Variants in ARHGEF3 observed in about 807,000 individuals in gnomAD.
The protein encoded by ARHGEF3 is Rho guanine nucleotide exchange factor 3.
A neutral mutation model predicts 63.2 loss-of-function variants in ARHGEF3; 28 were observed. The ratio of observed to expected loss-of-function variants is 0.44; its 90% confidence interval spans 0.33 to 0.61. The LOEUF is 0.61. Among genes scored for constraint, ARHGEF3 ranks in the 20% least tolerant of loss-of-function variants. ARHGEF3 has a pLI of 0.03. For missense variants in ARHGEF3, 533 were observed against 659.3 expected (o/e 0.81, Z 2.10); for synonymous variants, 266 against 254.2 (o/e 1.05, Z -0.44).
At chr3:56,996,067 C>A (rs1241028948) in intron 2 of ARHGEF3, among the ~76,000 whole-genome samples, 1 of 152,124 alleles carries the variant, frequency 6.6e-6, no homozygotes, top group Non-Finnish European at 1.5e-5. Context: ...CCAAGCACAG[C>A]CCCCATGAGA....
At chr3:57,077,422 CTG>C (rs1256974980) in intron 1 of ARHGEF3, among the ~76,000 whole-genome samples, 1 of 152,106 alleles carries the variant, frequency 6.6e-6, no homozygotes, top group Non-Finnish European at 1.5e-5. Flanking sequence ...GGAAAAATAA[CTG>C]TGCTTCAAGT....
At chr3:57,009,571 G>C (rs1376223897) in intron 2 of ARHGEF3, among the ~76,000 whole-genome samples, 1 of 151,700 alleles carries the variant, frequency 6.6e-6, no homozygotes, top group African/African-American at 2.4e-5. Context: ...GGATGTGAAG[G>C]GTGGCTGCAG....
chr3:56,959,231 A>C (rs1436827552), intron 2 of ARHGEF3, among the ~76,000 whole-genome samples: 1 of 152,220 alleles, frequency 6.6e-6, no homozygotes, highest in Non-Finnish European at 1.5e-5. Context: ...CATGGACACT[A>C]TCAGGAGATG....
At position 56,905,120 on chromosome 3, in the gene ARHGEF3, G is replaced by C. The variant is rs574782885; in HGVS notation, c.130-22766C>G. On this transcript the variant is annotated intron_variant, in intron 3 of 12. Transcript: ENST00000338458. Reference sequence around the variant, plus strand: ...TCCAGTCCAAAGGTCATTTTCTCTAGGAAGCCTTCTCTGATTCACCTTTCC... The same window carrying C: ...TCCAGTCCAAAGGTCATTTTCTCTACGAAGCCTTCTCTGATTCACCTTTCC... 3.0e-3 allele frequency among the ~76,000 whole-genome samples: 455 copies of C among 152,100 alleles called. 4 individuals are homozygous for C. The highest frequency in any genetic ancestry group is 0.01 in the African/African-American group (424 of 41,490).
intron 3 of ARHGEF3, among the ~76,000 whole-genome samples, chr3:56,951,934 G>C (rs899543310): frequency 2.0e-5 from 3 of 151,968 alleles, no homozygotes; most frequent in Non-Finnish European, 4.4e-5. Context: ...TGTGACTCTA[G>C]GCAAGTTATT....
rs577308100 is a variant in ARHGEF3, at chr3:56,745,268, A to C, written c.807T>G (p.Leu269=). The change falls in exon 7 of 10, where the codon CTT becomes CTG. Residue 269 remains leucine, a synonymous_variant. Coordinates refer to ENST00000296315, the MANE Select transcript of ARHGEF3 (RefSeq NM_019555.3). ...GTGTGTGCCTCAAGATTTCTCGGAGAAGCAGAGGGTATTTTACCAGGCGGC... is the reference window on the plus strand; with the variant it reads ...GTGTGTGCCTCAAGATTTCTCGGAGCAGCAGAGGGTATTTTACCAGGCGGC... The part of the protein sequence containing the change: ...PRSRLVKYPL[L]LREILRHTPN... The C allele has an allele frequency of 3.1e-6, 5 of 1,613,966 alleles. No individual in the cohort carries two copies. The South Asian group carries it at 5.5e-5, about 18-fold the overall frequency.
At chr3:56,910,528 A>T (rs2041827809) in intron 3 of ARHGEF3, among the ~76,000 whole-genome samples, 1 of 152,212 alleles carries the variant, frequency 6.6e-6, no homozygotes, top group African/African-American at 2.4e-5. Context: ...GTATATATTT[A>T]TTATAATATG....
chr3:56,729,131 T>A lies in ARHGEF3; in HGVS notation c.*139A>T. Reference sequence around the variant, plus strand: ...GCAGTTACAGTACTAGGGACAAAGGTACAGATACGAGAGACTGGGCCAACA... The same window carrying A: ...GCAGTTACAGTACTAGGGACAAAGGAACAGATACGAGAGACTGGGCCAACA... On this transcript the variant is annotated 3_prime_UTR_variant, in exon 10 of 10. Coordinates refer to ENST00000296315, the MANE Select transcript of ARHGEF3 (RefSeq NM_019555.3). The A allele has an allele frequency of 1.4e-6, 1 of 712,062 alleles. No homozygotes were observed. Among genetic ancestry groups the A allele is most frequent in the Non-Finnish European group, 2.3e-6 (1 of 438,746 alleles). 44.1% of individuals were successfully genotyped at this position (712,062 alleles called of 1,614,324 possible). A position where few individuals can be genotyped will look rare whatever the true frequency, so the allele number is the denominator to read the frequency against.
chr3:56,971,648 G>A (rs191204191), intron 2 of ARHGEF3, among the ~76,000 whole-genome samples: 16 of 151,510 alleles, frequency 1.1e-4, no homozygotes, highest in East Asian at 3.9e-4. Flanking sequence ...TCAGGAGATC[G>A]AGACCATCCT....
chr3:56,861,865 GT>G (rs10707315), intron 4 of ARHGEF3, among the ~76,000 whole-genome samples: 91,567 of 141,662 alleles, frequency 0.65, 30,591 homozygotes, highest in Non-Finnish European at 0.75. Flanking sequence ...TAACCTGTTG[GT>G]TTTTTTTTTT....
intron 3 of ARHGEF3, among the ~76,000 whole-genome samples, chr3:56,899,101 AG>A (rs2041419206): frequency 6.6e-6 from 1 of 152,126 alleles, no homozygotes; most frequent in African/African-American, 2.4e-5. Context: ...TTCTCCACTG[AG>A]GGGTGAGGAG....
At chr3:56,995,620 C>CGAGAGAGAGAGAGAGAGAGAGAGAGA (rs66778716) in intron 2 of ARHGEF3, among the ~76,000 whole-genome samples, 1 of 113,232 alleles carries the variant, frequency 8.8e-6, no homozygotes. Context: ...GTAAATTTTC[C>CGAGAGAGAGAGAGAGAGAGAGAGAGA]GAGAGAGAGA....
chr3:56,825,384 T>C (rs2038675226), intron 4 of ARHGEF3, among the ~76,000 whole-genome samples: 1 of 152,192 alleles, frequency 6.6e-6, no homozygotes, highest in South Asian at 2.1e-4. Flanking sequence ...TCCAGCCCAA[T>C]TTGAGACCTC....
At chr3:57,036,518 C>A (rs1256598108) in intron 1 of ARHGEF3, among the ~76,000 whole-genome samples, 1 of 152,144 alleles carries the variant, frequency 6.6e-6, no homozygotes, top group Non-Finnish European at 1.5e-5. Flanking sequence ...AGCCATAACT[C>A]TGGGATCCTT....
intron 1 of ARHGEF3, among the ~76,000 whole-genome samples, chr3:56,794,207 G>A (rs1273950466): frequency 6.6e-6 from 1 of 152,088 alleles, no homozygotes; most frequent in Non-Finnish European, 1.5e-5. Flanking sequence ...GTATTACTGG[G>A]CCAGGCATGG....
chr3:56,884,971 G>C (rs571970727), intron 3 of ARHGEF3, among the ~76,000 whole-genome samples: 1 of 152,212 alleles, frequency 6.6e-6, no homozygotes, highest in Admixed American at 6.5e-5. Flanking sequence ...CTAATTCCTA[G>C]GGCAAAGCCT....
chr3:56,847,866 C>CCA (rs1165455764), intron 4 of ARHGEF3, among the ~76,000 whole-genome samples: 2 of 152,310 alleles, frequency 1.3e-5, no homozygotes, highest in South Asian at 4.1e-4. Context: ...GTGTGAGCCA[C>CCA]CATGCCTGGC....
At chr3:56,945,922 A>G (rs1699471268) in intron 3 of ARHGEF3, among the ~76,000 whole-genome samples, 1 of 152,172 alleles carries the variant, frequency 6.6e-6, no homozygotes, top group Non-Finnish European at 1.5e-5. Flanking sequence ...TACTCCTCTC[A>G]GACAAAACTT....
At chr3:56,930,048 C>A (rs935410669) in intron 3 of ARHGEF3, among the ~76,000 whole-genome samples, 2 of 152,178 alleles carry the variant, frequency 1.3e-5, no homozygotes, top group Admixed American at 1.3e-4. Context: ...ACTACCAGCC[C>A]CCCCCTCCCA....
Sources: gnomAD v4.1 joint callset for allele counts (sites outside exome capture counted in the v4.1 genomes callset) on GRCh38, gnomAD v4.1.1 for gene constraint, MANE v1.5 for transcripts, NCBI Gene and HGNC (gene_info 2026-07-23, HGNC 2026-07-21) for gene names.